Variants in RBFOX3 observed in about 807,000 individuals in gnomAD.
RBFOX3 encodes the protein RNA binding fox-1 homolog 3.
RBFOX3 carries 17 observed loss-of-function variants against 48.7 expected under a neutral mutation model. The observed-to-expected ratio is 0.35, with a 90% CI of 0.24 to 0.52. The LOEUF is 0.52. Ranked by LOEUF, RBFOX3 falls within the 20% of genes least tolerant of loss-of-function variation. The pLI, the probability that RBFOX3 is intolerant of heterozygous loss-of-function variation, is 0.94. For missense variants in RBFOX3, 382 were observed against 497.5 expected (o/e 0.77, Z 2.21); for synonymous variants, 212 against 209.5 (o/e 1.01, Z -0.10).
chr17:79,629,398 T>C, the RBFOX3 span, among the ~76,000 whole-genome samples: 1 of 152,116 alleles, frequency 6.6e-6, no homozygotes, highest in Non-Finnish European at 1.5e-5. Flanking sequence ...AGGGACAGTG[T>C]CGAATCCCAC....
chr17:79,209,260 G>A (rs763111250), intron 4 of RBFOX3, among the ~76,000 whole-genome samples: 2 of 152,206 alleles, frequency 1.3e-5, no homozygotes, highest in Non-Finnish European at 2.9e-5. Flanking sequence ...GCAGGCCAGT[G>A]CCTCCTTCTG....
Position 79,211,521 on chromosome 17 carries a change from C to T in RBFOX3, c.-34+24245G>A, listed in dbSNP as rs376932727. 1.5e-4 allele frequency among the ~76,000 whole-genome samples: 23 copies of T among 152,318 alleles called. No individual in the cohort carries two copies. The East Asian group carries it at 2.1e-3, about 14-fold the overall frequency. On this transcript the variant is annotated intron_variant, in intron 4 of 14. Coordinates refer to ENST00000693108, the MANE Select transcript of RBFOX3 (RefSeq NM_001350451.2). ...GCTGCTGGGACTGGCTCCAGGTGGA[C>T]GCTGGCGTGCAGTTAACAGGGATAG...
At chr17:79,251,080 G>A (rs1026043151) in intron 3 of RBFOX3, among the ~76,000 whole-genome samples, 1 of 152,060 alleles carries the variant, frequency 6.6e-6, no homozygotes, top group African/African-American at 2.4e-5. Context: ...TGGAATTACA[G>A]GTGTGAGCTG....
chr17:79,476,363 GT>G (rs1409845098), intron 2 of RBFOX3, among the ~76,000 whole-genome samples: 1 of 152,178 alleles, frequency 6.6e-6, no homozygotes, highest in Non-Finnish European at 1.5e-5. Flanking sequence ...ATATTGGCCC[GT>G]TTTTCTATTT....
At chr17:79,149,393 G>A (rs919534596) in intron 4 of RBFOX3, among the ~76,000 whole-genome samples, 9 of 152,258 alleles carry the variant, frequency 5.9e-5, no homozygotes, top group South Asian at 2.1e-4. Flanking sequence ...GCCCAGCCCC[G>A]GCCCCTCCTG....
chr17:79,539,670 G>A (rs1233399803), intron 1 of RBFOX3, among the ~76,000 whole-genome samples: 1 of 152,138 alleles, frequency 6.6e-6, no homozygotes, highest in Non-Finnish European at 1.5e-5. Context: ...TGGGGAAGGA[G>A]GTCCCAGACT....
intron 2 of RBFOX3, among the ~76,000 whole-genome samples, chr17:79,429,466 G>A (rs1261990309): frequency 6.6e-6 from 1 of 152,188 alleles, no homozygotes; most frequent in Non-Finnish European, 1.5e-5. Context: ...CCAGCAGGCT[G>A]GGCAGGAGGA....
chr17:79,592,217 G>A (rs2093441564), intron 1 of RBFOX3, among the ~76,000 whole-genome samples: 1 of 149,874 alleles, frequency 6.7e-6, no homozygotes, highest in Non-Finnish European at 1.5e-5. Context: ...ATGCATGTGT[G>A]TGTGGGGTGT....
intron 3 of RBFOX3, among the ~76,000 whole-genome samples, chr17:79,302,262 T>C (rs1228200099): frequency 6.6e-6 from 1 of 152,168 alleles, no homozygotes; most frequent in Non-Finnish European, 1.5e-5. Context: ...AGCATATTAT[T>C]GTCCCATTTC....
At chr17:79,357,866 A>T (rs1278603396) in intron 2 of RBFOX3, among the ~76,000 whole-genome samples, 2 of 148,988 alleles carry the variant, frequency 1.3e-5, no homozygotes, top group South Asian at 2.1e-4. Flanking sequence ...TCATTTTTTT[A>T]AAAAATCAGT....
At chr17:79,309,497 G>A (rs2145642764) in intron 2 of RBFOX3, among the ~76,000 whole-genome samples, 1 of 151,944 alleles carries the variant, frequency 6.6e-6, no homozygotes, top group South Asian at 2.1e-4. Context: ...TGCACATGTT[G>A]TCCCCTCCTC....
At chr17:79,434,828 T>C (rs951651864) in intron 2 of RBFOX3, among the ~76,000 whole-genome samples, 2 of 152,144 alleles carry the variant, frequency 1.3e-5, no homozygotes, top group East Asian at 3.9e-4. Context: ...TCTCTGGAGA[T>C]GGACTCCGGG....
chr17:79,382,660 C>T (rs1178903459), intron 2 of RBFOX3, among the ~76,000 whole-genome samples: 4 of 152,202 alleles, frequency 2.6e-5, no homozygotes, highest in Admixed American at 6.5e-5. Flanking sequence ...CACACTCACG[C>T]GCATTTCCAA....
chr17:79,236,735 G>A (rs548596185), intron 3 of RBFOX3, among the ~76,000 whole-genome samples: 8 of 152,238 alleles, frequency 5.3e-5, no homozygotes, highest in South Asian at 2.1e-4. Flanking sequence ...TCCAGGGCCC[G>A]GGGCCAGGGT....
In RBFOX3 at chr17:79,443,674, C is replaced by T. The variant is rs1210042026; in HGVS notation, c.-175+38780G>A. Among the ~76,000 whole-genome samples the T allele has an allele frequency of 2.0e-5, 3 of 152,238 alleles. No individual in the cohort carries two copies. The highest frequency in any genetic ancestry group is 4.4e-5 in the Non-Finnish European group (3 of 68,042). On this transcript the variant is annotated intron_variant, in intron 2 of 14. Transcript: ENST00000693108. This position sits in a 1 kb window ranked among gnomAD's most constrained non-coding sequence, Gnocchi z 4.4. ...CTGGGATTACAGGCATGAGCCACCG[C>T]ACCCTCTTGTTCACTGTCTCACATG...
chr17:79,117,998 C>T (rs2034560767), intron 4 of RBFOX3, among the ~76,000 whole-genome samples: 1 of 152,184 alleles, frequency 6.6e-6, no homozygotes, highest in Non-Finnish European at 1.5e-5. Flanking sequence ...CTGTTTATGG[C>T]CCCAAACCCT....
intron 1 of RBFOX3, among the ~76,000 whole-genome samples, chr17:79,491,477 G>A (rs1341262545): frequency 6.6e-6 from 1 of 152,020 alleles, no homozygotes; most frequent in African/African-American, 2.4e-5. Context: ...TCAGTAGGGA[G>A]GTGGCCCAGG....
At chr17:79,522,262 T>C (rs1302760490) in intron 1 of RBFOX3, among the ~76,000 whole-genome samples, 1 of 152,202 alleles carries the variant, frequency 6.6e-6, no homozygotes, top group Non-Finnish European at 1.5e-5. Flanking sequence ...TAGAAATTGC[T>C]CTAACCCAGA....
At position 79,394,383 on chromosome 17, in the gene RBFOX3, G is replaced by A. The variant is rs377318043; in HGVS notation, c.-174-86559C>T. ...AGCCAAGCCCCCATCTCCACCACTG[G>A]GGCAGGGGTCTCCAGGGCCCTCTGA... On this transcript the variant is annotated intron_variant, in intron 2 of 14. Coordinates refer to ENST00000693108, the MANE Select transcript of RBFOX3 (RefSeq NM_001350451.2). Among the ~76,000 whole-genome samples the A allele has an allele frequency of 2.0e-5, 3 of 152,142 alleles. No individual in the cohort carries two copies. In the East Asian group the frequency reaches 5.8e-4, roughly 29 times the overall value.
Sources: gnomAD v4.1 joint callset for allele counts (sites outside exome capture counted in the v4.1 genomes callset) on GRCh38, gnomAD v4.1.1 for gene constraint, Gnocchi (gnomAD v3.1) non-coding constraint, MANE v1.5 for transcripts, NCBI Gene and HGNC (gene_info 2026-07-23, HGNC 2026-07-21) for gene names.